Variants in KCND2 observed in about 807,000 individuals in gnomAD.
The protein encoded by KCND2 is potassium voltage-gated channel subfamily D member 2.
In KCND2, 16 loss-of-function variants were observed where a neutral mutation model predicts 54.4. The observed-to-expected ratio is 0.29, with a 90% CI of 0.20 to 0.45. KCND2 has a LOEUF of 0.45. Among genes scored for constraint, KCND2 ranks in the 20% least tolerant of loss-of-function variants. The probability of loss-of-function intolerance (pLI) is 1.00; values close to 1 mark genes in which losing one functional copy is unlikely to be tolerated. For synonymous variants in KCND2, 317 were observed against 310.7 expected (o/e 1.02, Z -0.21); for missense variants, 486 against 824.2 (o/e 0.59, Z 5.02).
At chr7:120,654,858 AT>A (rs1195255619) in intron 1 of KCND2, among the ~76,000 whole-genome samples, 2 of 152,116 alleles carry the variant, frequency 1.3e-5, no homozygotes, top group Non-Finnish European at 1.5e-5. Flanking sequence ...ATTCATATGG[AT>A]TTTTTATATA....
chr7:120,296,852 A>G (rs1250648471), intron 1 of KCND2, among the ~76,000 whole-genome samples: 1 of 152,120 alleles, frequency 6.6e-6, no homozygotes, highest in East Asian at 1.9e-4. Flanking sequence ...TGCTGAAAAC[A>G]CTATGCTTCT....
intron 1 of KCND2, among the ~76,000 whole-genome samples, chr7:120,457,323 T>C (rs1271336152): frequency 6.6e-6 from 1 of 152,154 alleles, no homozygotes; most frequent in African/African-American, 2.4e-5. Context: ...TCCCAGAAAA[T>C]GGGTTTTTCT....
chr7:120,548,516 A>G (rs372252566), intron 1 of KCND2, among the ~76,000 whole-genome samples: 2 of 152,136 alleles, frequency 1.3e-5, no homozygotes, highest in South Asian at 2.1e-4. Context: ...CACCTGGCCA[A>G]CCTGGAATCC....
chr7:120,351,865 C>T (rs1188827881), intron 1 of KCND2, among the ~76,000 whole-genome samples: 7 of 150,286 alleles, frequency 4.7e-5, no homozygotes, highest in Admixed American at 3.3e-4. Flanking sequence ...GGCTGGAGTG[C>T]AGTGGCACGA....
intron 1 of KCND2, among the ~76,000 whole-genome samples, chr7:120,625,078 G>C (rs995921833): frequency 3.9e-5 from 6 of 152,224 alleles, no homozygotes; most frequent in Admixed American, 3.9e-4. Context: ...ACTAGAATGA[G>C]ACTTGGCCCA....
At chr7:120,345,738 A>G (rs1271692212) in intron 1 of KCND2, among the ~76,000 whole-genome samples, 1 of 150,624 alleles carries the variant, frequency 6.6e-6, no homozygotes, top group Non-Finnish European at 1.5e-5. Flanking sequence ...TTGTTTATAC[A>G]TTTATCCATA....
chr7:120,562,807 T>C (rs188647007), intron 1 of KCND2, among the ~76,000 whole-genome samples: 128 of 152,282 alleles, frequency 8.4e-4, no homozygotes, highest in African/African-American at 3.0e-3. Context: ...TGCACTTGGC[T>C]CTAAAGGTCA....
At chr7:120,416,019 T>C (rs766872967) in intron 1 of KCND2, among the ~76,000 whole-genome samples, 3 of 152,188 alleles carry the variant, frequency 2.0e-5, no homozygotes, top group African/African-American at 7.2e-5. Flanking sequence ...GATATCTGAG[T>C]AACTGTTTCT....
chr7:120,522,841 C>A (rs1791715542), intron 1 of KCND2, among the ~76,000 whole-genome samples: 1 of 152,138 alleles, frequency 6.6e-6, no homozygotes. Flanking sequence ...TAAAGTGAAT[C>A]TCTGTAAAGT....
chr7:120,654,069 A>T (rs931016990), intron 1 of KCND2, among the ~76,000 whole-genome samples: 4 of 152,152 alleles, frequency 2.6e-5, no homozygotes, highest in African/African-American at 9.7e-5. Flanking sequence ...GTAAATGTTT[A>T]TTATTTGCAA....
chr7:120,497,385 A>G (rs1268374356), intron 1 of KCND2, among the ~76,000 whole-genome samples: 1 of 152,186 alleles, frequency 6.6e-6, no homozygotes, highest in Non-Finnish European at 1.5e-5. Flanking sequence ...GCTATTTCTT[A>G]GTCTTGGAAG....
At chr7:120,329,192 G>A (rs1800026515) in intron 1 of KCND2, among the ~76,000 whole-genome samples, 1 of 150,516 alleles carries the variant, frequency 6.6e-6, no homozygotes. Context: ...CATAATCTTG[G>A]GTCACTGCAA....
intron 1 of KCND2, among the ~76,000 whole-genome samples, chr7:120,382,808 G>T (rs572932714): frequency 6.6e-6 from 1 of 151,794 alleles, no homozygotes; most frequent in South Asian, 2.1e-4. Flanking sequence ...ATTACTCTTT[G>T]ATTATGTTTT....
intron 1 of KCND2, among the ~76,000 whole-genome samples, chr7:120,452,654 A>C (rs1269003250): frequency 1.3e-5 from 2 of 152,168 alleles, no homozygotes; most frequent in Admixed American, 1.3e-4. Context: ...TCTGGGCAGC[A>C]AGAAGCCCTG....
At chr7:120,355,971 C>T (rs1563020185) in intron 1 of KCND2, among the ~76,000 whole-genome samples, 1 of 152,084 alleles carries the variant, frequency 6.6e-6, no homozygotes, top group Non-Finnish European at 1.5e-5. Flanking sequence ...TAGAGAACAT[C>T]GAATCCATCT....
intron 1 of KCND2, among the ~76,000 whole-genome samples, chr7:120,495,457 T>TC (rs1167703080): frequency 6.6e-6 from 1 of 152,132 alleles, no homozygotes; most frequent in South Asian, 2.1e-4. Context: ...TGTGTCCCTT[T>TC]CAATCAAGAA....
rs149503396 is a variant in KCND2 at position 120,625,735 on chromosome 7, A to T, written c.1116-107168A>T. On this transcript the variant is annotated intron_variant, in intron 1 of 5. Coordinates refer to ENST00000331113, the MANE Select transcript of KCND2 (RefSeq NM_012281.3). Reference sequence around the variant, plus strand: ...GAAATCTGACTGAAAAATTTATGGGATAACTTTCTTATGAGAAGGTTGAAG... The same window carrying T: ...GAAATCTGACTGAAAAATTTATGGGTTAACTTTCTTATGAGAAGGTTGAAG... Among the ~76,000 whole-genome samples, 211 of 152,236 alleles carry T rather than the reference A, an allele frequency of 1.4e-3. 1 individual carries two copies. Among genetic ancestry groups the T allele is most frequent in the Admixed American group, 2.6e-3 (39 of 15,292 alleles).
chr7:120,365,048 A>AT (rs1202813989), intron 1 of KCND2, among the ~76,000 whole-genome samples: 2 of 152,068 alleles, frequency 1.3e-5, no homozygotes, highest in Non-Finnish European at 2.9e-5. Context: ...CATGCATTTA[A>AT]AGACATTAAT....
chr7:120,449,947 A>G (rs1802076957), intron 1 of KCND2, among the ~76,000 whole-genome samples: 1 of 152,264 alleles, frequency 6.6e-6, no homozygotes, highest in Non-Finnish European at 1.5e-5. Flanking sequence ...ATTGATAAGA[A>G]TGCCAAAGGC....
Sources: gnomAD v4.1 joint callset for allele counts (sites outside exome capture counted in the v4.1 genomes callset) on GRCh38, gnomAD v4.1.1 for gene constraint, MANE v1.5 for transcripts, NCBI Gene and HGNC (gene_info 2026-07-23, HGNC 2026-07-21) for gene names.